Variants in PKIB observed in about 807,000 individuals in gnomAD.
PKIB encodes PKI-beta.
A neutral mutation model predicts 4.5 loss-of-function variants in PKIB; 2 were observed. That is an observed-to-expected ratio of 0.44 (90% CI 0.18 to 1.39). The LOEUF (loss-of-function observed/expected upper bound fraction) is 1.39, where lower values mean the gene tolerates loss of function less well. PKIB is among the 40% of genes most tolerant of loss of function. The probability of loss-of-function intolerance (pLI) is 0.27; values close to 1 mark genes in which losing one functional copy is unlikely to be tolerated. For missense variants in PKIB, 94 were observed against 92.6 expected (o/e 1.02, Z -0.06); for synonymous variants, 38 against 36.0 (o/e 1.06, Z -0.20).
At chr6:122,541,300 TG>T (rs1777589592) in intron 2 of PKIB, among the ~76,000 whole-genome samples, 1 of 152,122 alleles carries the variant, frequency 6.6e-6, no homozygotes, top group Non-Finnish European at 1.5e-5. Context: ...CATTTTGGCA[TG>T]TTTTTGCAGT....
intron 2 of PKIB, among the ~76,000 whole-genome samples, chr6:122,572,056 G>A (rs539412055): frequency 2.6e-5 from 4 of 152,042 alleles, no homozygotes; most frequent in African/African-American, 7.2e-5. Context: ...GGTATTCCAC[G>A]CAAATGGAAA....
At chr6:122,582,127 T>G (rs999894982) in intron 2 of PKIB, among the ~76,000 whole-genome samples, 1 of 152,060 alleles carries the variant, frequency 6.6e-6, no homozygotes, top group Non-Finnish European at 1.5e-5. Context: ...TGCTTATTTT[T>G]TGTCATCTTT....
intron 3 of PKIB, among the ~76,000 whole-genome samples, chr6:122,707,028 A>G (rs6569272): frequency 0.67 from 101,030 of 151,874 alleles, 35,161 homozygotes; most frequent in Non-Finnish European, 0.79. Context: ...CTAAAGGACT[A>G]TAGTAACATA....
chr6:122,676,432 A>G (rs553687111), intron 3 of PKIB, among the ~76,000 whole-genome samples: 27 of 152,238 alleles, frequency 1.8e-4, no homozygotes, highest in Admixed American at 1.5e-3. Context: ...CCCATGGCCC[A>G]AGTGTAAAGA....
chr6:122,702,948 T>C (rs992639476), intron 3 of PKIB, among the ~76,000 whole-genome samples: 1 of 152,196 alleles, frequency 6.6e-6, no homozygotes, highest in African/African-American at 2.4e-5. Flanking sequence ...GTGTACTTTC[T>C]CCTCCATTTT....
intron 2 of PKIB, among the ~76,000 whole-genome samples, chr6:122,503,143 C>G (rs933677350): frequency 2.6e-5 from 4 of 152,172 alleles, no homozygotes; most frequent in Non-Finnish European, 5.9e-5. Context: ...ATGACCTCAT[C>G]TAATTCTGAT....
chr6:122,513,776 A>G (rs1776659327), intron 2 of PKIB, among the ~76,000 whole-genome samples: 1 of 152,170 alleles, frequency 6.6e-6, no homozygotes, highest in Non-Finnish European at 1.5e-5. Flanking sequence ...TATGGCCTCC[A>G]GCTGTATCTA....
At chr6:122,629,141 T>C (rs1775585447) in intron 1 of PKIB, among the ~76,000 whole-genome samples, 1 of 152,212 alleles carries the variant, frequency 6.6e-6, no homozygotes, top group Non-Finnish European at 1.5e-5. Context: ...CCATTACAAC[T>C]GCTTCATAAT....
At chr6:122,507,443 T>G (rs1325632112) in intron 2 of PKIB, among the ~76,000 whole-genome samples, 1 of 152,190 alleles carries the variant, frequency 6.6e-6, no homozygotes, top group African/African-American at 2.4e-5. Flanking sequence ...CAGGGAGACT[T>G]ACCGTCATAG....
upstream of PKIB, among the ~76,000 whole-genome samples, chr6:122,608,149 A>G (rs554801300): frequency 6.6e-6 from 1 of 152,350 alleles, no homozygotes; most frequent in South Asian, 2.1e-4. Context: ...TTTCCTGACT[A>G]CAACTTATCT....
chr6:122,524,884 T>C (rs1484561255), intron 2 of PKIB, among the ~76,000 whole-genome samples: 2 of 151,694 alleles, frequency 1.3e-5, no homozygotes, highest in Non-Finnish European at 2.9e-5. Flanking sequence ...TTAAGAGGCT[T>C]TCCATTTTTT....
intron 2 of PKIB, among the ~76,000 whole-genome samples, chr6:122,666,773 T>C (rs888285097): frequency 1.6e-4 from 24 of 152,242 alleles, no homozygotes; most frequent in African/African-American, 5.8e-4. Context: ...TCAACTTTAC[T>C]TTCAGACAAA....
At chr6:122,675,056 A>G (rs1363931025) in intron 2 of PKIB, 22 bp from the exon 3 acceptor site, 2 of 127,326 alleles carry the variant, frequency 1.6e-5, no homozygotes, top group African/African-American at 6.6e-5. Flanking sequence ...GGTTCTTCAT[A>G]GTTTTTTTTT....
intron 2 of PKIB, among the ~76,000 whole-genome samples, chr6:122,513,009 C>G (rs1326665279): frequency 6.6e-6 from 1 of 152,164 alleles, no homozygotes; most frequent in Non-Finnish European, 1.5e-5. Context: ...TAGTCAGCAT[C>G]TCTGTTTGAA....
At chr6:122,625,292 T>C (rs1200054555) in intron 1 of PKIB, among the ~76,000 whole-genome samples, 1 of 152,226 alleles carries the variant, frequency 6.6e-6, no homozygotes, top group Non-Finnish European at 1.5e-5. Context: ...CTTTTAGTAC[T>C]TGAATAAAAA....
At chr6:122,718,639 C>A (rs1218036416) in intron 4 of PKIB, among the ~76,000 whole-genome samples, 1 of 152,106 alleles carries the variant, frequency 6.6e-6, no homozygotes, top group Non-Finnish European at 1.5e-5. Flanking sequence ...ACGTTTTGTG[C>A]CCCATTTTAG....
intron 1 of PKIB, among the ~76,000 whole-genome samples, chr6:122,630,727 T>G (rs1330645305): frequency 6.6e-6 from 1 of 152,234 alleles, no homozygotes; most frequent in Admixed American, 6.5e-5. Flanking sequence ...TTTCAATCCA[T>G]CAGCCTGATA....
At chr6:122,700,697 T>G (rs1456804127) in intron 3 of PKIB, among the ~76,000 whole-genome samples, 1 of 152,224 alleles carries the variant, frequency 6.6e-6, no homozygotes, top group Non-Finnish European at 1.5e-5. Flanking sequence ...CTGCACAAAT[T>G]CCCTGAGAAT....
chr6:122,516,614 C>G (rs1168960995), intron 2 of PKIB, among the ~76,000 whole-genome samples: 2 of 152,126 alleles, frequency 1.3e-5, no homozygotes, highest in African/African-American at 4.8e-5. Flanking sequence ...CCAAGTTGGC[C>G]TGCTTAGCTG....
Sources: gnomAD v4.1 joint callset for allele counts (sites outside exome capture counted in the v4.1 genomes callset) on GRCh38, gnomAD v4.1.1 for gene constraint, MANE v1.5 for transcripts, NCBI Gene and HGNC (gene_info 2026-07-23, HGNC 2026-07-21) for gene names.